CENPE: variants seen among roughly 807,000 people sequenced by gnomAD.
CENPE encodes centromere protein E.
Under a neutral mutation model 336.1 loss-of-function variants are expected in CENPE, and 145 were observed. The ratio of observed to expected loss-of-function variants is 0.43; its 90% CI spans 0.38 to 0.50. The LOEUF (loss-of-function observed/expected upper bound fraction) is 0.50, where lower values mean the gene tolerates loss of function less well. CENPE is among the 20% of genes least tolerant of loss of function. The pLI is 0.00. For synonymous variants in CENPE, 1,013 were observed against 984.8 expected (o/e 1.03, Z -0.54); for missense variants, 2,719 against 3,023.3 (o/e 0.90, Z 2.36).
At chr4:103,160,572 T>C in intron 21 of CENPE, 53 bp downstream of exon 21, 1 of 1,466,180 alleles carries the variant, frequency 6.8e-7, no homozygotes, top group South Asian at 1.3e-5. Flanking sequence ...GGCACTATTA[T>C]CGCAAAGGTT....
chr4:103,115,996 G>A (rs763011875), intron 45 of CENPE, among the ~76,000 whole-genome samples: 24 of 152,226 alleles, frequency 1.6e-4, no homozygotes, highest in Non-Finnish European at 3.2e-4. Flanking sequence ...CTCCCAAAGT[G>A]CTGGGATTGA....
In CENPE at chr4:103,194,216, C is replaced by A; in HGVS notation, c.693+13G>T. ...GCCCATACAGTACATTATTATGGTT[C>A]ATTAATACTCACCAAATGGGATACC... On this transcript the variant is annotated intron_variant, in intron 8 of 48. Coordinates refer to ENST00000265148, the MANE Select transcript of CENPE (RefSeq NM_001813.3). The A allele has an allele frequency of 2.5e-6, 4 of 1,603,272 alleles. No homozygotes were observed. The South Asian group carries it at 3.3e-5, about 13-fold the overall frequency.
chr4:103,158,287 A>T lies in CENPE; in HGVS notation c.3033+13T>A. 1 of 1,582,776 alleles carries T rather than the reference A, an allele frequency of 6.3e-7. No individual in the cohort carries two copies. The highest frequency in any genetic ancestry group is 8.6e-7 in the Non-Finnish European group (1 of 1,167,118). The stretch of plus-strand genomic sequence containing the variant: ...ACAAGCATATGAAAACTCTGAAAAT[A>T]AACACCCTTTACCTTTTGCTGAAAT... On this transcript the variant is annotated intron_variant, in intron 24 of 48. Transcript: ENST00000265148.
At chr4:103,151,944 C>A (rs535706814) in intron 25 of CENPE, among the ~76,000 whole-genome samples, 1 of 152,148 alleles carries the variant, frequency 6.6e-6, no homozygotes, top group Non-Finnish European at 1.5e-5. Flanking sequence ...ATGAAGGAGA[C>A]AATCCCCAAA....
intron 16 of CENPE, among the ~76,000 whole-genome samples, chr4:103,163,862 A>G (rs1188941987): frequency 2.0e-5 from 3 of 152,156 alleles, no homozygotes; most frequent in African/African-American, 7.2e-5. Context: ...AGTATGCACT[A>G]CTTGGAGGAG....
At position 103,195,249 on chromosome 4, in the gene CENPE, T is replaced by A. The variant is rs113626573; in HGVS notation, c.358-16A>T. The A allele has an allele frequency of 4.5e-6, 7 of 1,563,152 alleles. No homozygotes were observed. In the African/African-American group the frequency reaches 8.3e-5, roughly 19 times the overall value. ...TATCAGGAAACTAGAAGAAAAAAAA[T>A]TATATAAAAACACCAGGAAGCATCC... On this transcript the variant is annotated splice_polypyrimidine_tract_variant and intron_variant, in intron 4 of 48. Coordinates refer to ENST00000265148, the MANE Select transcript of CENPE (RefSeq NM_001813.3).
chr4:103,196,217 C>T lies in CENPE; in HGVS notation c.184G>A (p.Val62Met), dbSNP rs1354503272. 1.2e-6 allele frequency: 2 copies of T among 1,613,506 alleles called. No homozygotes were observed. The highest frequency in any genetic ancestry group is 2.7e-5 in the African/African-American group (2 of 74,864). ...VFHGNETTKN[V>M]YEEIAAPIID... ...ATTGGTGCTGCTATTTCTTCATACA[C>T]ATTTTTGGTAGTTTCATTACCATGA... is the stretch of plus-strand genomic sequence containing the variant. The change falls in exon 3 of 49, where the codon GTG becomes ATG. Residue 62 changes from valine to methionine, a missense_variant. Physicochemically the swap from Val to Met is conservative, Grantham distance 21. Around this residue, in one of 5 missense-constraint regions of CENPE, gnomAD observed 106 missense variants for 189.3 expected, o/e 0.56. Coordinates refer to ENST00000265148, the MANE Select transcript of CENPE (RefSeq NM_001813.3).
intron 24 of CENPE, among the ~76,000 whole-genome samples, chr4:103,158,054 T>C (rs1298649908): frequency 6.6e-6 from 1 of 151,908 alleles, no homozygotes; most frequent in Admixed American, 6.6e-5. Context: ...AAATTTGACA[T>C]AAAATAAGTA....
chr4:103,122,316 G>A (rs940928385), intron 43 of CENPE, among the ~76,000 whole-genome samples: 5 of 152,082 alleles, frequency 3.3e-5, no homozygotes, highest in East Asian at 1.9e-4. Flanking sequence ...AACATTTTAC[G>A]CATGTTGTTA....
At chr4:103,145,018 C>T in intron 32 of CENPE, 32 bp downstream of exon 32, 1 of 1,408,126 alleles carries the variant, frequency 7.1e-7, no homozygotes, top group Non-Finnish European at 9.5e-7. Context: ...ATTTCTGTAT[C>T]CAAAAAAAAA....
chr4:103,122,401 C>T (rs967894117), intron 43 of CENPE, among the ~76,000 whole-genome samples: 1 of 152,096 alleles, frequency 6.6e-6, no homozygotes, highest in African/African-American at 2.4e-5. Context: ...ACAAGTTAAC[C>T]TGCGTAACAA....
At chr4:103,159,712 C>G (rs1754273846) in intron 21 of CENPE, among the ~76,000 whole-genome samples, 1 of 151,538 alleles carries the variant, frequency 6.6e-6, no homozygotes, top group Non-Finnish European at 1.5e-5. Context: ...TTTCCAAAAA[C>G]TTAATCAATG....
At chr4:103,158,226 T>A in intron 24 of CENPE, 74 bp downstream of exon 24, 1 of 1,081,176 alleles carries the variant, frequency 9.2e-7, no homozygotes, top group Non-Finnish European at 1.3e-6. Flanking sequence ...TTGAGAATAT[T>A]ATGCATTTAA....
At position 103,149,300 on chromosome 4, in the gene CENPE, T is replaced by C; in HGVS notation, c.3505A>G (p.Asn1169Asp). Residue 1169 changes from asparagine (N) to aspartate (D), a missense_variant, in exon 27 of 49, where the codon AAC (asparagine) becomes GAC (aspartate). Asn to Asp is a conservative substitution (Grantham distance 23). Transcript: ENST00000265148. ...EIENLKNELK[N>D]KELTLEHMET... The stretch of plus-strand genomic sequence containing the variant: ...ATATGTTCCAATGTCAATTCTTTGT[T>C]CTTTAATTCATTCTTTAAATTCTCT... 4 of 1,612,368 alleles carry C rather than the reference T, an allele frequency of 2.5e-6. No homozygotes were observed. The highest frequency in any genetic ancestry group is 1.7e-4 in the Middle Eastern group (1 of 6,032).
Position 103,108,880 on chromosome 4 carries a change from A to G in CENPE, c.7934T>C (p.Phe2645Ser). The change falls in exon 48 of 49, where the codon TTT (phenylalanine) becomes TCT (serine). Residue 2645 changes from phenylalanine (F) to serine (S), a missense_variant. Transcript: ENST00000265148. ...VPKESPKSCF[F>S]DSRSKSLPSP... ...TGGTAAAGACTTTGATCGGCTATCA[A>G]AAAAACAAGATTTTGGTGATTCCTT... The G allele has an allele frequency of 1.2e-6, 2 of 1,613,990 alleles. No individual in the cohort carries two copies. Among genetic ancestry groups the G allele is most frequent in the Non-Finnish European group, 1.7e-6 (2 of 1,179,886 alleles).
intron 36 of CENPE, 69 bp downstream of exon 36, chr4:103,140,745 G>T: frequency 7.8e-7 from 1 of 1,289,368 alleles, no homozygotes; most frequent in South Asian, 1.5e-5. Context: ...ACACAACGCT[G>T]CAGTGAACAC....
intron 26 of CENPE, 74 bp from the exon 27 acceptor site, chr4:103,149,482 C>A: frequency 7.7e-7 from 1 of 1,305,666 alleles, no homozygotes. Flanking sequence ...CATTAACAGC[C>A]TTGCCTCCTA....
chr4:103,112,442 T>A (rs1021182259), intron 46 of CENPE, among the ~76,000 whole-genome samples: 1 of 145,446 alleles, frequency 6.9e-6, no homozygotes, highest in African/African-American at 2.5e-5. Context: ...TATACATACA[T>A]ATACTTATAT....
intron 39 of CENPE, among the ~76,000 whole-genome samples, chr4:103,137,808 C>G (rs1296905046): frequency 6.6e-6 from 1 of 152,152 alleles, no homozygotes; most frequent in Admixed American, 6.5e-5. Flanking sequence ...CCTGCTTCCA[C>G]TCTATTTTCA....
Sources: allele counts gnomAD v4.1 joint callset (sites outside exome capture counted in the v4.1 genomes callset), GRCh38; gene constraint gnomAD v4.1.1; regional missense constraint gnomAD v4.1.1; transcripts MANE v1.5; gene names NCBI Gene and HGNC (gene_info 2026-07-23, HGNC 2026-07-21).